The following KCTD20 variants were observed in gnomAD, a reference collection of about 807,000 sequenced individuals.
KCTD20 encodes the protein potassium channel tetramerization domain containing 20.
A neutral mutation model predicts 39.6 loss-of-function variants in KCTD20; 30 were observed. That is an observed-to-expected ratio of 0.76 (90% confidence interval 0.57 to 1.03). The LOEUF (loss-of-function observed/expected upper bound fraction) is 1.03, where lower values mean the gene tolerates loss of function less well. Ranked by LOEUF, KCTD20 falls within the 50% of genes least tolerant of loss-of-function variation. The pLI, the probability that KCTD20 is intolerant of heterozygous loss-of-function variation, is 0.00. For synonymous variants in KCTD20, 162 were observed against 180.6 expected (o/e 0.90, Z 0.83); for missense variants, 422 against 522.0 (o/e 0.81, Z 1.87).
intron 3 of KCTD20, among the ~76,000 whole-genome samples, chr6:36,476,539 C>T (rs1053049645): frequency 3.3e-5 from 5 of 151,432 alleles, no homozygotes; most frequent in African/African-American, 4.9e-5. Context: ...AAGCAATTCT[C>T]GTGCCTCAGC....
intron 1 of KCTD20, among the ~76,000 whole-genome samples, chr6:36,466,985 C>T (rs564940046): frequency 5.3e-5 from 8 of 152,030 alleles, no homozygotes; most frequent in East Asian, 1.9e-4. Flanking sequence ...ATGCTGGGTT[C>T]GGTGATATCT....
intron 1 of KCTD20, among the ~76,000 whole-genome samples, chr6:36,464,672 A>G (rs1238445750): frequency 1.3e-5 from 2 of 152,106 alleles, no homozygotes; most frequent in Non-Finnish European, 2.9e-5. Flanking sequence ...ACCAGAGAGC[A>G]TTATGTGCAG....
chr6:36,477,173 T>C (rs1250281105), intron 3 of KCTD20, among the ~76,000 whole-genome samples: 2 of 152,308 alleles, frequency 1.3e-5, no homozygotes, highest in African/African-American at 4.8e-5. Flanking sequence ...CTTGTAAGCC[T>C]AGCCAGTGAG....
intron 6 of KCTD20, among the ~76,000 whole-genome samples, chr6:36,483,646 C>T (rs1178511921): frequency 6.6e-6 from 1 of 151,988 alleles, no homozygotes; most frequent in African/African-American, 2.4e-5. Context: ...TCCAAGTAGC[C>T]TGGGCTGCAG....
chr6:36,475,079 T>G lies in KCTD20; in HGVS notation c.434+17T>G. On this transcript the variant is annotated intron_variant, in intron 3 of 7. Coordinates refer to ENST00000373731, the MANE Select transcript of KCTD20 (RefSeq NM_173562.5). ...GCTGGGAAGGTAACTGATGATAATT[T>G]TCTTCCAAATTCATTCTGTTCTCTA... is the stretch of plus-strand genomic sequence containing the variant. 1.9e-6 allele frequency: 3 copies of G among 1,604,392 alleles called. No individual in the cohort carries two copies. Among genetic ancestry groups the G allele is most frequent in the Non-Finnish European group, 2.6e-6 (3 of 1,175,142 alleles).
At chr6:36,448,213 G>T (rs1775117506) in intron 1 of KCTD20, among the ~76,000 whole-genome samples, 1 of 151,814 alleles carries the variant, frequency 6.6e-6, no homozygotes, top group Non-Finnish European at 1.5e-5. Flanking sequence ...TGTGATTCTA[G>T]GTTCAAAATT....
chr6:36,465,288 T>G (rs1775713141), intron 1 of KCTD20, among the ~76,000 whole-genome samples: 1 of 138,846 alleles, frequency 7.2e-6, no homozygotes, highest in African/African-American at 2.8e-5. Flanking sequence ...AAGGGTGAGA[T>G]TCCGTCTCAA....
intron 1 of KCTD20, among the ~76,000 whole-genome samples, chr6:36,454,661 C>T (rs1416094917): frequency 8.1e-6 from 1 of 123,900 alleles, no homozygotes; most frequent in African/African-American, 3.1e-5. Flanking sequence ...TTTCTTGAGT[C>T]GGAGTCTTGC....
At chr6:36,476,464 C>CT (rs1194199049) in intron 3 of KCTD20, among the ~76,000 whole-genome samples, 17 of 145,662 alleles carry the variant, frequency 1.2e-4, no homozygotes, top group African/African-American at 4.3e-4. Flanking sequence ...GAGTCTCACT[C>CT]TGTCACCAAG....
At chr6:36,443,157 G>T (rs544348043) in intron 1 of KCTD20, 46 bp downstream of exon 1, 218 of 152,856 alleles carry the variant, frequency 1.4e-3, no homozygotes, top group Non-Finnish European at 2.5e-3. Flanking sequence ...ACCGGGCAGG[G>T]AGAGTGTGGC....
At chr6:36,482,298 A>C (rs1253668566) in intron 6 of KCTD20, among the ~76,000 whole-genome samples, 1 of 152,252 alleles carries the variant, frequency 6.6e-6, no homozygotes, top group Admixed American at 6.5e-5. Flanking sequence ...TCATGCCTGT[A>C]ATCCCAGCAC....
chr6:36,490,121 A>G lies in KCTD20; in HGVS notation c.*2946A>G, dbSNP rs184010871. 6.6e-6 allele frequency: 1 copy of G among 152,262 alleles called. No homozygotes were observed. Among genetic ancestry groups the G allele is most frequent in the Non-Finnish European group, 1.5e-5 (1 of 68,066 alleles). The allele number at this position is 152,262 out of a possible 1,614,324, so 9.4% of individuals were successfully genotyped here. A position where few individuals can be genotyped will look rare whatever the true frequency, so the allele number is the denominator to read the frequency against. ...CCAGGAAGGTTAGATGTGTTTGCAA[A>G]TAAGTTGCCCAAAGGGTCCCCCTCT... On this transcript the variant is annotated 3_prime_UTR_variant, in exon 8 of 8. Transcript: ENST00000373731.
intron 3 of KCTD20, 142 bp downstream of exon 3, chr6:36,475,204 G>A (rs1776029043): frequency 1.3e-6 from 1 of 754,978 alleles, no homozygotes. Context: ...CCAGCACTTT[G>A]GGAGGTCGAG....
chr6:36,477,182 A>G (rs971339158), intron 3 of KCTD20, among the ~76,000 whole-genome samples: 3 of 152,206 alleles, frequency 2.0e-5, no homozygotes, highest in African/African-American at 7.2e-5. Flanking sequence ...CTAGCCAGTG[A>G]GCTTACAGAT....
At chr6:36,455,743 A>G (rs549348842) in intron 1 of KCTD20, among the ~76,000 whole-genome samples, 4 of 152,212 alleles carry the variant, frequency 2.6e-5, no homozygotes, top group Non-Finnish European at 5.9e-5. Flanking sequence ...CAGGACCTCT[A>G]GGATAGGAGC....
Position 36,481,543 on chromosome 6 carries a change from CT to C in KCTD20, c.659-18del. The C allele has an allele frequency of 1.3e-6, 2 of 1,593,402 alleles. No individual in the cohort carries two copies. The highest frequency in any genetic ancestry group is 1.7e-6 in the Non-Finnish European group (2 of 1,161,254). On this transcript the variant is annotated intron_variant, in intron 5 of 7. Coordinates refer to ENST00000373731, the MANE Select transcript of KCTD20 (RefSeq NM_173562.5). ...GCATTTAGGCAGAAAGCATGTTCAC[CT>C]ACATTTTCTCTCTGCAGGTGCTTTA...
chr6:36,483,259 T>C (rs1776312437), intron 6 of KCTD20, among the ~76,000 whole-genome samples: 1 of 90,580 alleles, frequency 1.1e-5, no homozygotes, highest in Non-Finnish European at 2.2e-5. Context: ...AACAGTGGCT[T>C]TTTCTTTTTT....
At chr6:36,475,095 C>A (rs188088562) in intron 3 of KCTD20, 33 bp downstream of exon 3, 1,433 of 1,593,842 alleles carry the variant, frequency 9.0e-4, no homozygotes, top group Non-Finnish European at 1.2e-3. Context: ...CAAATTCATT[C>A]TGTTCTCTAT....
intron 1 of KCTD20, among the ~76,000 whole-genome samples, chr6:36,453,461 C>T (rs547574477): frequency 1.3e-5 from 2 of 151,234 alleles, no homozygotes; most frequent in Non-Finnish European, 2.9e-5. Flanking sequence ...ATTTTCCTGC[C>T]TTGAGAAAGA....
Sources: gnomAD v4.1 joint callset for allele counts (sites outside exome capture counted in the v4.1 genomes callset) on GRCh38, gnomAD v4.1.1 for gene constraint, MANE v1.5 for transcripts, NCBI Gene and HGNC (gene_info 2026-07-23, HGNC 2026-07-21) for gene names.